Variants in PCDHGA12 observed in about 807,000 individuals in gnomAD.
PCDHGA12 encodes the protein protocadherin gamma subfamily A, 12.
A neutral mutation model predicts 61.1 loss-of-function variants in PCDHGA12; 43 were observed. That is an observed-to-expected ratio of 0.70 (90% CI 0.55 to 0.91). PCDHGA12 has a LOEUF of 0.91. Ranked by LOEUF, PCDHGA12 falls within the 40% of genes least tolerant of loss-of-function variation. The probability of loss-of-function intolerance (pLI) is 0.00; values close to 1 mark genes in which losing one functional copy is unlikely to be tolerated. For missense variants in PCDHGA12, 1,236 were observed against 1,227.7 expected, an observed-to-expected ratio of 1.01 and a Z score of -0.10; for synonymous variants, 520 against 542.9, an observed-to-expected ratio of 0.96 and a Z score of 0.59.
chr5:141,453,302 T>C (rs189741118), intron 1 of PCDHGA12, among the ~76,000 whole-genome samples: 18 of 152,008 alleles, frequency 1.2e-4, no homozygotes, highest in Middle Eastern at 6.8e-3. Flanking sequence ...TTTATTTATT[T>C]ATTTATTTAT....
At chr5:141,472,332 G>A (rs566731120) in intron 1 of PCDHGA12, among the ~76,000 whole-genome samples, 1 of 152,116 alleles carries the variant, frequency 6.6e-6, no homozygotes, top group East Asian at 1.9e-4. Flanking sequence ...ACGAGGTTGG[G>A]AGATCGAGAC....
chr5:141,481,208 A>G lies in PCDHGA12; in HGVS notation c.2425-13599A>G, dbSNP rs116577118. On this transcript the variant is annotated intron_variant, in intron 1 of 3. Coordinates refer to ENST00000252085, the MANE Select transcript of PCDHGA12 (RefSeq NM_003735.3). ...GCCAGGCCCAATTTTTTTAAAAAACATGGTAAGGTCTCCCAGCCTTAAAGT... is the reference window on the plus strand; with the variant it reads ...GCCAGGCCCAATTTTTTTAAAAAACGTGGTAAGGTCTCCCAGCCTTAAAGT... 3.5e-3 allele frequency among the ~76,000 whole-genome samples: 528 copies of G among 152,350 alleles called. 2 individuals carry two copies. Among genetic ancestry groups the G allele is most frequent in the African/African-American group, 0.012 (490 of 41,572 alleles).
intron 1 of PCDHGA12, among the ~76,000 whole-genome samples, chr5:141,454,881 C>G (rs2098805859): frequency 7.4e-6 from 1 of 135,536 alleles, no homozygotes; most frequent in African/African-American, 2.8e-5. Flanking sequence ...GATCTTGGCT[C>G]ACTGCTAGCA....
At chr5:141,436,439 A>G (rs1481744238) in intron 1 of PCDHGA12, among the ~76,000 whole-genome samples, 5 of 152,208 alleles carry the variant, frequency 3.3e-5, no homozygotes, top group African/African-American at 1.2e-4. Flanking sequence ...TCTGGGGATT[A>G]CCTGATACCA....
chr5:141,457,701 G>A (rs1341216514), intron 1 of PCDHGA12, among the ~76,000 whole-genome samples: 1 of 152,222 alleles, frequency 6.6e-6, no homozygotes, highest in Admixed American at 6.5e-5. Context: ...TGGCTTTGAT[G>A]AAACACTGTT....
intron 1 of PCDHGA12, among the ~76,000 whole-genome samples, chr5:141,470,011 C>T (rs2099218489): frequency 6.6e-6 from 1 of 152,144 alleles, no homozygotes; most frequent in Non-Finnish European, 1.5e-5. Context: ...CGCCTGTAAT[C>T]CCAGCTACTC....
At chr5:141,481,747 T>A (rs1319673737) in intron 1 of PCDHGA12, among the ~76,000 whole-genome samples, 3 of 151,684 alleles carry the variant, frequency 2.0e-5, no homozygotes, top group African/African-American at 7.3e-5. Flanking sequence ...AGGTCAGGAG[T>A]CCAAGACCAG....
At chr5:141,453,175 A>G (rs928062909) in intron 1 of PCDHGA12, among the ~76,000 whole-genome samples, 2 of 152,088 alleles carry the variant, frequency 1.3e-5, no homozygotes, top group African/African-American at 4.8e-5. Context: ...GTCCAGTGGT[A>G]CAATCACAGC....
intron 1 of PCDHGA12, among the ~76,000 whole-genome samples, chr5:141,460,120 A>C (rs1404213559): frequency 1.3e-5 from 2 of 151,956 alleles, no homozygotes; most frequent in Non-Finnish European, 2.9e-5. Flanking sequence ...ATTTTTATAT[A>C]TGTAATATAT....
intron 1 of PCDHGA12, chr5:141,441,126 C>T (rs1319809408): frequency 6.6e-6 from 1 of 152,062 alleles, no homozygotes; most frequent in Non-Finnish European, 1.5e-5. Context: ...CAGTTGAGAC[C>T]GAATTTCTAG....
chr5:141,485,920 T>G lies in PCDHGA12; in HGVS notation c.2425-8887T>G. 4 of 1,614,038 alleles carry G rather than the reference T, an allele frequency of 2.5e-6. No individual in the cohort carries two copies. Among genetic ancestry groups the G allele is most frequent in the Non-Finnish European group, 3.4e-6 (4 of 1,180,010 alleles). ...CCTTCCAGCAATCCAGCTACAGGAT[T>G]AGTGTGTTGGAGAGCGCACCAGCGG... On this transcript the variant is annotated intron_variant, in intron 1 of 3. Transcript: ENST00000252085. The surrounding 1 kb of genome is among the most constrained non-coding windows in gnomAD (Gnocchi z 5.7).
In PCDHGA12 at chr5:141,491,759, G is replaced by A; in HGVS notation, c.2425-3048G>A. On this transcript the variant is annotated intron_variant, in intron 1 of 3. Coordinates refer to ENST00000252085, the MANE Select transcript of PCDHGA12 (RefSeq NM_003735.3). The surrounding 1 kb of genome is among the most constrained non-coding windows in gnomAD (Gnocchi z 6.9). ...GGGGGCGGCACTGGAGAAGCCGCCC[G>A]TCCTCATAAGGGATTGAACTTGCAT... 2 of 1,575,392 alleles carry A rather than the reference G, an allele frequency of 1.3e-6. No homozygotes were observed. The highest frequency in any genetic ancestry group is 1.9e-5 in the Admixed American group (1 of 52,640).
chr5:141,453,341 C>T (rs1327119655), intron 1 of PCDHGA12, among the ~76,000 whole-genome samples: 2 of 151,822 alleles, frequency 1.3e-5, no homozygotes, highest in East Asian at 3.9e-4. Context: ...CTATGTTTCC[C>T]CAGGCTGACC....
intron 3 of PCDHGA12, among the ~76,000 whole-genome samples, chr5:141,506,298 A>C (rs887906455): frequency 6.6e-6 from 1 of 151,936 alleles, no homozygotes; most frequent in Non-Finnish European, 1.5e-5. Context: ...AAAATACAAA[A>C]ATTAGCTGGG....
At chr5:141,470,825 C>G (rs557419577) in intron 1 of PCDHGA12, among the ~76,000 whole-genome samples, 24 of 152,182 alleles carry the variant, frequency 1.6e-4, no homozygotes, top group African/African-American at 4.1e-4. Context: ...GTAGTTAGGA[C>G]GACAAACACA....
intron 1 of PCDHGA12, among the ~76,000 whole-genome samples, chr5:141,460,454 T>C (rs1010186960): frequency 6.6e-6 from 1 of 152,194 alleles, no homozygotes; most frequent in Admixed American, 6.6e-5. Context: ...TGAAGATTCA[T>C]ATTTTTTTCC....
chr5:141,494,818 C>T lies in PCDHGA12; in HGVS notation c.2436C>T (p.Pro812=). The part of the protein sequence containing the change: ...DSHGLIEQAP[P]NTDWRFSQAQ... ...TGTTTTCTCCACAGCAAGCCCCGCCCAACACGGACTGGCGTTTCTCTCAGG... is the reference window on the plus strand; with the variant it reads ...TGTTTTCTCCACAGCAAGCCCCGCCTAACACGGACTGGCGTTTCTCTCAGG... Residue 812 remains proline (P), a synonymous_variant, in exon 2 of 4, where the codon CCC becomes CCT. Transcript: ENST00000252085. 1.9e-6 allele frequency: 3 copies of T among 1,614,152 alleles called. No homozygotes were observed. The highest frequency in any genetic ancestry group is 2.2e-5 in the South Asian group (2 of 91,074).
intron 1 of PCDHGA12, chr5:141,468,330 C>CAAAAAAAAAAAAAAAAGAAAAAAAAAAA (rs2099163578): frequency 1.3e-5 from 1 of 79,888 alleles, no homozygotes; most frequent in African/African-American, 3.9e-5. Flanking sequence ...AACTCCATCT[C>CAAAAAAAAAAAAAAAAGAAAAAAAAAAA]AAAAAAAAAA....
At chr5:141,465,649 A>C (rs1174371552) in intron 1 of PCDHGA12, among the ~76,000 whole-genome samples, 1 of 152,200 alleles carries the variant, frequency 6.6e-6, no homozygotes, top group African/African-American at 2.4e-5. Context: ...TGAACATCCC[A>C]AAAAAGCGCT....
Sources: allele counts gnomAD v4.1 joint callset (sites outside exome capture counted in the v4.1 genomes callset), GRCh38; gene constraint gnomAD v4.1.1; non-coding constraint Gnocchi (gnomAD v3.1); transcripts MANE v1.5; gene names NCBI Gene and HGNC (gene_info 2026-07-23, HGNC 2026-07-21).